Variants in NKAIN3 observed in about 807,000 individuals in gnomAD.
The protein encoded by NKAIN3 is sodium/potassium transporting ATPase interacting 3.
In NKAIN3, 25 loss-of-function variants were observed where a neutral mutation model predicts 30.2. The ratio of observed to expected loss-of-function variants is 0.83; its 90% CI spans 0.60 to 1.16. NKAIN3 has a LOEUF of 1.16. Ranked by LOEUF, NKAIN3 falls within the 50% of genes most tolerant of loss-of-function variation. The probability of loss-of-function intolerance (pLI) is 0.00; values close to 1 mark genes in which losing one functional copy is unlikely to be tolerated. For missense variants in NKAIN3, 225 were observed against 254.1 expected (o/e 0.89, Z 0.78); for synonymous variants, 91 against 89.6 (o/e 1.02, Z -0.09).
chr8:62,875,727 G>C (rs779312951), intron 4 of NKAIN3, among the ~76,000 whole-genome samples: 1 of 152,106 alleles, frequency 6.6e-6, no homozygotes, highest in African/African-American at 2.4e-5. Flanking sequence ...AATGGGGAAA[G>C]GATCTCCTCC....
intron 1 of NKAIN3, among the ~76,000 whole-genome samples, chr8:62,316,953 T>C (rs1002549385): frequency 5.9e-5 from 9 of 152,212 alleles, no homozygotes; most frequent in Admixed American, 5.2e-4. Flanking sequence ...TCCTGACTTT[T>C]TAATGATCGC....
At chr8:62,578,425 A>G (rs921783022) in intron 1 of NKAIN3, among the ~76,000 whole-genome samples, 1 of 152,148 alleles carries the variant, frequency 6.6e-6, no homozygotes, top group Non-Finnish European at 1.5e-5. Flanking sequence ...ATCTAATCCA[A>G]GATAAATTTT....
chr8:62,832,891 T>C (rs1259517976), intron 4 of NKAIN3, among the ~76,000 whole-genome samples: 1 of 151,750 alleles, frequency 6.6e-6, no homozygotes, highest in African/African-American at 2.4e-5. Context: ...AGAATATACA[T>C]TCTTCTCATC....
Position 62,977,288 on chromosome 8 carries a change from T to C in NKAIN3, c.*11881T>C, listed in dbSNP as rs1207108328. On this transcript the variant is annotated 3_prime_UTR_variant, in exon 7 of 7. Coordinates refer to ENST00000623646, the MANE Select transcript of NKAIN3 (RefSeq NM_001304533.3). ...TCCTGGATTATATCCTAAATTGTGC[T>C]TTCCAACTTGATTCCATTCTCCCCA... is the stretch of plus-strand genomic sequence containing the variant. Among the ~76,000 whole-genome samples, 1 of 152,180 alleles carries C rather than the reference T, an allele frequency of 6.6e-6. No homozygotes were observed. The highest frequency in any genetic ancestry group is 2.4e-5 in the African/African-American group (1 of 41,446).
At chr8:62,832,545 G>T (rs1279234684) in intron 4 of NKAIN3, among the ~76,000 whole-genome samples, 1 of 147,192 alleles carries the variant, frequency 6.8e-6, no homozygotes, top group Non-Finnish European at 1.5e-5. Flanking sequence ...CAAAGTAAAA[G>T]GTTGGAGTAA....
intron 1 of NKAIN3, among the ~76,000 whole-genome samples, chr8:62,285,316 A>G (rs531688816): frequency 2.0e-5 from 3 of 152,208 alleles, no homozygotes; most frequent in Non-Finnish European, 4.4e-5. Context: ...TTGAGAGAAT[A>G]CATAAATGTA....
At chr8:62,825,831 G>C (rs1819004231) in intron 4 of NKAIN3, among the ~76,000 whole-genome samples, 2 of 152,276 alleles carry the variant, frequency 1.3e-5, no homozygotes, top group African/African-American at 4.8e-5. Flanking sequence ...AGGGCAGAGT[G>C]GTCCTGCCCT....
intron 1 of NKAIN3, among the ~76,000 whole-genome samples, chr8:62,413,215 C>T (rs1177587893): frequency 1.3e-5 from 2 of 152,176 alleles, no homozygotes; most frequent in Non-Finnish European, 2.9e-5. Context: ...TTTGTTCAGC[C>T]ATTGTGGAAA....
At chr8:62,988,098 C>T (rs1002390959), downstream of NKAIN3, among the ~76,000 whole-genome samples, 9 of 152,358 alleles carry the variant, frequency 5.9e-5, no homozygotes, top group East Asian at 7.7e-4. Context: ...CCATGTCTCA[C>T]GTCCAGGTCA....
At chr8:62,410,578 G>GA (rs1205344909) in intron 1 of NKAIN3, among the ~76,000 whole-genome samples, 1 of 151,232 alleles carries the variant, frequency 6.6e-6, no homozygotes, top group African/African-American at 2.4e-5. Context: ...TGGTACTTTG[G>GA]AAAAAAACAA....
At chr8:62,958,342 C>T (rs1823479728) in intron 6 of NKAIN3, among the ~76,000 whole-genome samples, 1 of 151,978 alleles carries the variant, frequency 6.6e-6, no homozygotes, top group South Asian at 2.1e-4. Flanking sequence ...ACATGTGATA[C>T]ACAGGTCAGG....
At chr8:62,769,323 AT>A (rs1215907036) in intron 4 of NKAIN3, among the ~76,000 whole-genome samples, 2 of 152,200 alleles carry the variant, frequency 1.3e-5, no homozygotes, top group Non-Finnish European at 2.9e-5. Context: ...TTAGGAAGTA[AT>A]AAATTGTATG....
At chr8:62,444,563 T>G (rs1805424962) in intron 1 of NKAIN3, among the ~76,000 whole-genome samples, 1 of 152,338 alleles carries the variant, frequency 6.6e-6, no homozygotes, top group East Asian at 1.9e-4. Context: ...TTATTTTGTA[T>G]GTCTTAGTAA....
intron 1 of NKAIN3, among the ~76,000 whole-genome samples, chr8:62,400,982 GTTA>G (rs1452243136): frequency 5.5e-5 from 8 of 146,016 alleles, no homozygotes; most frequent in Non-Finnish European, 1.1e-4. Flanking sequence ...GAAATTCTCT[GTTA>G]TTATTCTTTT....
chr8:62,686,531 G>T (rs1487948864), intron 3 of NKAIN3, among the ~76,000 whole-genome samples: 1 of 152,106 alleles, frequency 6.6e-6, no homozygotes, highest in East Asian at 1.9e-4. Flanking sequence ...ATTACCTTCT[G>T]GGGGAAACAG....
chr8:62,940,377 A>C (rs1327490502), intron 5 of NKAIN3, among the ~76,000 whole-genome samples: 1 of 152,118 alleles, frequency 6.6e-6, no homozygotes, highest in Non-Finnish European at 1.5e-5. Context: ...AAAGTCAACA[A>C]AGAAACAATG....
chr8:62,609,341 G>A (rs1811218204), intron 3 of NKAIN3, among the ~76,000 whole-genome samples: 1 of 152,132 alleles, frequency 6.6e-6, no homozygotes, highest in South Asian at 2.1e-4. Flanking sequence ...TTATAAATGT[G>A]CTGAAGGCAT....
intron 1 of NKAIN3, among the ~76,000 whole-genome samples, chr8:62,525,492 C>T (rs117140872): frequency 3.9e-5 from 6 of 152,098 alleles, no homozygotes; most frequent in South Asian, 2.1e-4. Flanking sequence ...TGAAAACATG[C>T]GGTATTTGGT....
chr8:62,425,417 C>A (rs1475114633), intron 1 of NKAIN3, among the ~76,000 whole-genome samples: 2 of 151,770 alleles, frequency 1.3e-5, no homozygotes, highest in Non-Finnish European at 2.9e-5. Flanking sequence ...AATTTTATGT[C>A]TTTTTCAATG....
Sources: allele counts gnomAD v4.1 joint callset (sites outside exome capture counted in the v4.1 genomes callset), GRCh38; gene constraint gnomAD v4.1.1; transcripts MANE v1.5; gene names NCBI Gene and HGNC (gene_info 2026-07-23, HGNC 2026-07-21).